Variants in KAT6B observed in about 807,000 individuals in gnomAD.
KAT6B encodes the protein lysine acetyltransferase 6B.
In KAT6B, 10 loss-of-function variants were observed where a neutral mutation model predicts 187.5. The ratio of observed to expected loss-of-function variants is 0.05; its 90% confidence interval spans 0.03 to 0.09. The LOEUF (loss-of-function observed/expected upper bound fraction) is 0.09, where lower values mean the gene tolerates loss of function less well. Ranked by LOEUF, KAT6B falls within the 10% of genes least tolerant of loss-of-function variation. The probability of loss-of-function intolerance (pLI) is 1.00; values close to 1 mark genes in which losing one functional copy is unlikely to be tolerated. For synonymous variants in KAT6B, 861 were observed against 926.8 expected, an observed-to-expected ratio of 0.93 and a Z score of 1.29; for missense variants, 1,952 against 2,558.9, an observed-to-expected ratio of 0.76 and a Z score of 5.12.
intron 9 of KAT6B, 149 bp downstream of exon 9, chr10:74,977,586 A>C: frequency 9.7e-7 from 1 of 1,031,978 alleles, no homozygotes; most frequent in South Asian, 1.3e-5. Context: ...TACTGACTGT[A>C]CATTCAAAAG....
intron 5 of KAT6B, 116 bp downstream of exon 5, chr10:74,969,891 G>A (rs1564596066): frequency 2.0e-6 from 2 of 980,036 alleles, no homozygotes; most frequent in Non-Finnish European, 3.2e-6. Context: ...TACACATGAT[G>A]TCAAACTGCA....
Position 75,031,020 on chromosome 10 carries a change from C to G in KAT6B, c.6196C>G (p.Leu2066Val), listed in dbSNP as rs901914485. ...YMNTGMSKQS[L>V]NGSYMRR The stretch of plus-strand genomic sequence containing the variant: ...GAACACAGGCATGTCCAAACAGTCT[C>G]TCAATGGCTCCTACATGAGAAGGTA... Residue 2066 changes from leucine to valine, a missense_variant, in exon 18 of 18, where the codon CTC (leucine) becomes GTC (valine). Coordinates refer to ENST00000287239, the MANE Select transcript of KAT6B (RefSeq NM_012330.4). 8 of 1,614,180 alleles carry G rather than the reference C, an allele frequency of 5.0e-6. No individual in the cohort carries two copies. Among genetic ancestry groups the G allele is most frequent in the Middle Eastern group, 1.6e-4 (1 of 6,062 alleles).
At chr10:74,938,409 T>C (rs1849415717) in intron 3 of KAT6B, among the ~76,000 whole-genome samples, 1 of 151,954 alleles carries the variant, frequency 6.6e-6, no homozygotes, top group Admixed American at 6.6e-5. Flanking sequence ...CTACCAGCAG[T>C]ATCATGTGAA....
chr10:74,886,208 A>G (rs1020054075), intron 3 of KAT6B, among the ~76,000 whole-genome samples: 3 of 152,188 alleles, frequency 2.0e-5, no homozygotes, highest in Non-Finnish European at 4.4e-5. Context: ...GACAGGCAAG[A>G]TTAATTTTGT....
At chr10:74,875,114 T>G (rs923348327) in intron 3 of KAT6B, among the ~76,000 whole-genome samples, 2 of 152,238 alleles carry the variant, frequency 1.3e-5, no homozygotes, top group Non-Finnish European at 2.9e-5. Context: ...AAAAATATTT[T>G]GTATTAGATA....
At chr10:74,901,139 A>T (rs1846360441) in intron 3 of KAT6B, among the ~76,000 whole-genome samples, 1 of 152,218 alleles carries the variant, frequency 6.6e-6, no homozygotes, top group Non-Finnish European at 1.5e-5. Flanking sequence ...CCTCCATTTT[A>T]TAAAATAATT....
At chr10:74,853,117 T>TC (rs1308718368) in intron 3 of KAT6B, among the ~76,000 whole-genome samples, 2 of 146,378 alleles carry the variant, frequency 1.4e-5, no homozygotes, top group East Asian at 3.9e-4. Context: ...ATCTTTTTTT[T>TC]TTTTTTTTTT....
intron 3 of KAT6B, among the ~76,000 whole-genome samples, chr10:74,853,221 C>T (rs1441488133): frequency 6.7e-6 from 1 of 148,296 alleles, no homozygotes; most frequent in Non-Finnish European, 1.5e-5. Flanking sequence ...CTCAAGTGAT[C>T]CTTGATCCTC....
intron 3 of KAT6B, among the ~76,000 whole-genome samples, chr10:74,910,044 A>AT (rs1847077818): frequency 6.6e-6 from 1 of 151,590 alleles, no homozygotes; most frequent in Non-Finnish European, 1.5e-5. Context: ...CTTTAAACTA[A>AT]TATTTCTTAC....
chr10:75,005,561 TTTGG>T (rs1009260129), intron 13 of KAT6B, among the ~76,000 whole-genome samples: 1 of 152,140 alleles, frequency 6.6e-6, no homozygotes, highest in African/African-American at 2.4e-5. Context: ...AAGGTAGTTT[TTTGG>T]TTGGTTGGTT....
At chr10:74,868,089 A>G (rs1843676028) in intron 3 of KAT6B, among the ~76,000 whole-genome samples, 1 of 152,224 alleles carries the variant, frequency 6.6e-6, no homozygotes, top group Non-Finnish European at 1.5e-5. Context: ...GTTTGAAGAT[A>G]CGTGGTAGAG....
At chr10:74,848,134 G>A (rs1456388064) in intron 3 of KAT6B, among the ~76,000 whole-genome samples, 1 of 151,904 alleles carries the variant, frequency 6.6e-6, no homozygotes, top group Admixed American at 6.6e-5. Flanking sequence ...GGCCAGGCTG[G>A]TCTTGAACTC....
At chr10:74,991,208 C>T (rs915167325) in intron 13 of KAT6B, among the ~76,000 whole-genome samples, 4 of 152,010 alleles carry the variant, frequency 2.6e-5, no homozygotes, top group South Asian at 2.1e-4. Flanking sequence ...TCTCTGTATC[C>T]ACTAGGACAG....
At chr10:74,911,240 A>G (rs1294295366) in intron 3 of KAT6B, among the ~76,000 whole-genome samples, 1 of 150,188 alleles carries the variant, frequency 6.7e-6, no homozygotes. Context: ...AGCTGTCTTC[A>G]CTCACTTTAA....
chr10:74,925,092 T>G (rs1356631341), intron 3 of KAT6B, among the ~76,000 whole-genome samples: 15 of 152,128 alleles, frequency 9.9e-5, no homozygotes, highest in Non-Finnish European at 1.2e-4. Flanking sequence ...TAGGCTGGAG[T>G]GCAGTGACAT....
At chr10:74,829,649 TG>T in intron 1 of KAT6B, among the ~76,000 whole-genome samples, 1 of 151,842 alleles carries the variant, frequency 6.6e-6, no homozygotes, top group East Asian at 2.0e-4. Context: ...TTCGCCATGT[TG>T]GCCAGGCTGG....
At chr10:74,977,760 A>G (rs1323824549) in intron 9 of KAT6B, among the ~76,000 whole-genome samples, 1 of 152,212 alleles carries the variant, frequency 6.6e-6, no homozygotes, top group African/African-American at 2.4e-5. Flanking sequence ...GAAAATAACA[A>G]TTTAAAATCA....
intron 13 of KAT6B, among the ~76,000 whole-genome samples, chr10:75,006,764 A>G (rs1844230331): frequency 1.3e-5 from 2 of 152,060 alleles, no homozygotes; most frequent in Non-Finnish European, 2.9e-5. Context: ...TTATAAACAT[A>G]TTCCAGCTAA....
intron 3 of KAT6B, among the ~76,000 whole-genome samples, chr10:74,939,456 A>G (rs188378831): frequency 1.3e-4 from 20 of 152,166 alleles, no homozygotes; most frequent in South Asian, 1.0e-3. Context: ...GCTGGAGTGC[A>G]GTGGCACAAT....
Sources: gnomAD v4.1 joint callset for allele counts (sites outside exome capture counted in the v4.1 genomes callset) on GRCh38, gnomAD v4.1.1 for gene constraint, MANE v1.5 for transcripts, NCBI Gene and HGNC (gene_info 2026-07-23, HGNC 2026-07-21) for gene names.